The following FBN3 variants were observed in gnomAD, a reference collection of about 807,000 sequenced individuals.
FBN3 encodes fibrillin 3.
A neutral mutation model predicts 330.1 loss-of-function variants in FBN3; 234 were observed. The observed-to-expected ratio is 0.71, with a 90% CI of 0.64 to 0.79. FBN3 has a LOEUF of 0.79. FBN3 is among the 30% of genes least tolerant of loss of function. The pLI, the probability that FBN3 is intolerant of heterozygous loss-of-function variation, is 0.00. For missense variants in FBN3, 3,606 were observed against 3,886.9 expected, an observed-to-expected ratio of 0.93 and a Z score of 1.92; for synonymous variants, 1,458 against 1,517.3, an observed-to-expected ratio of 0.96 and a Z score of 0.91.
chr19:8,111,631 C>CCCCCCCCAAAAAAA lies in FBN3; in HGVS notation c.4084+16_4084+17insTTTTTTTGGGGGGG. On this transcript the variant is annotated intron_variant, in intron 32 of 63. Coordinates refer to ENST00000600128, the MANE Select transcript of FBN3 (RefSeq NM_032447.5). ...TGTCCCTCTAGGGCCCCTGCCCTCC[C>CCCCCCCCAAAAAAA]ACCCCTCTAATCTCACCTTCGCAGA... 1.9e-6 allele frequency: 3 copies of CCCCCCCCAAAAAAA among 1,565,660 alleles called. No homozygotes were observed. Among genetic ancestry groups the CCCCCCCCAAAAAAA allele is most frequent in the Non-Finnish European group, 2.6e-6 (3 of 1,145,542 alleles).
chr19:8,112,428 C>T (rs1223703208), intron 30 of FBN3, among the ~76,000 whole-genome samples: 4 of 152,026 alleles, frequency 2.6e-5, no homozygotes, highest in Non-Finnish European at 5.9e-5. Context: ...GGGTGGATCA[C>T]GAGGTCAGGA....
At chr19:8,123,244 C>G (rs900867797) in intron 24 of FBN3, among the ~76,000 whole-genome samples, 2 of 151,996 alleles carry the variant, frequency 1.3e-5, no homozygotes, top group Non-Finnish European at 2.9e-5. Flanking sequence ...ATCCCAGCTA[C>G]TTAGGAGGCT....
At chr19:8,133,367 G>C (rs902169802) in intron 13 of FBN3, among the ~76,000 whole-genome samples, 30 of 152,216 alleles carry the variant, frequency 2.0e-4, no homozygotes, top group African/African-American at 7.2e-4. Flanking sequence ...CTGAATAAAC[G>C]TGGTGGTTTT....
At chr19:8,141,526 T>A (rs2145039399) in intron 8 of FBN3, among the ~76,000 whole-genome samples, 191 bp downstream of exon 8, 1 of 152,252 alleles carries the variant, frequency 6.6e-6, no homozygotes, top group South Asian at 2.1e-4. Flanking sequence ...CTCCCGACAG[T>A]GTTGGTGCAG....
At position 8,085,583 on chromosome 19, in the gene FBN3, T is replaced by C. The variant is rs1451167077; in HGVS notation, c.6881-14A>G. On this transcript the variant is annotated splice_polypyrimidine_tract_variant and intron_variant, in intron 55 of 63. Transcript: ENST00000600128. The stretch of plus-strand genomic sequence containing the variant: ...CCTGCCGGATGTCTGCAGAGAACAA[T>C]GGGAAAGACAACGGTCACTCCAGGA... The C allele has an allele frequency of 1.3e-6, 2 of 1,528,410 alleles. No homozygotes were observed. Among genetic ancestry groups the C allele is most frequent in the Admixed American group, 4.5e-5 (2 of 44,924 alleles). The allele number at this position is 1,528,410 out of a possible 1,614,324, so 94.7% of individuals were successfully genotyped here. A position where few individuals can be genotyped will look rare whatever the true frequency, so the allele number is the denominator to read the frequency against.
rs1442914378 is a variant in FBN3 at position 8,066,192 on chromosome 19, C to T, written c.8157G>A (p.Arg2719=). 2 of 1,611,042 alleles carry T rather than the reference C, an allele frequency of 1.2e-6. No homozygotes were observed. The highest frequency in any genetic ancestry group is 1.3e-5 in the African/African-American group (1 of 74,968). ...GCCGGAGCTCCAGGATGCGCTCGGC[C>T]CGGCCCAGGTGTGAGAGGTTCAGGC... is the stretch of plus-strand genomic sequence containing the variant. ...TLGLNLSHLG[R]AERILELRPA... The change falls in exon 64 of 64, where the codon CGG becomes CGA. Residue 2719 remains arginine (R), a synonymous_variant. Coordinates refer to ENST00000600128, the MANE Select transcript of FBN3 (RefSeq NM_032447.5).
At chr19:8,083,655 GAC>G (rs200793791) in intron 56 of FBN3, among the ~76,000 whole-genome samples, 4,915 of 151,468 alleles carry the variant, frequency 0.032, 121 homozygotes, top group Non-Finnish European at 0.049. Context: ...GCAGAACAGA[GAC>G]ACACAGTGCA....
chr19:8,106,292 G>C, intron 37 of FBN3, 59 bp from the exon 38 acceptor site: 1 of 1,596,550 alleles, frequency 6.3e-7, no homozygotes, highest in Admixed American at 1.7e-5. Flanking sequence ...GACTTAAGGG[G>C]CACCCACACC....
intron 34 of FBN3, among the ~76,000 whole-genome samples, chr19:8,110,222 A>AT (rs1012244016): frequency 6.6e-6 from 1 of 151,948 alleles, no homozygotes; most frequent in Non-Finnish European, 1.5e-5. Context: ...TGCCCAGCTA[A>AT]TTTTTTATTT....
intron 10 of FBN3, among the ~76,000 whole-genome samples, chr19:8,137,799 T>G (rs2083322136): frequency 6.6e-6 from 1 of 152,076 alleles, no homozygotes; most frequent in East Asian, 1.9e-4. Flanking sequence ...TAGCTAATTT[T>G]CAATTTGCTG....
rs139499127 is a variant in FBN3, at chr19:8,149,136, C to T, written c.-18+313G>A. 0.018 allele frequency among the ~76,000 whole-genome samples: 2,715 copies of T among 151,936 alleles called. 79 individuals are homozygous for T. The highest frequency in any genetic ancestry group is 0.061 in the African/African-American group (2,533 of 41,488). On this transcript the variant is annotated intron_variant, in intron 1 of 63. Coordinates refer to ENST00000600128, the MANE Select transcript of FBN3 (RefSeq NM_032447.5). The surrounding 1 kb of genome is among the most constrained non-coding windows in gnomAD (Gnocchi z 5.5). ...AGCTTCGCCGACGGGGAGGGGGCGC[C>T]CCCGGAGCCCGCGGGGCGCGATCTC...
At chr19:8,084,448 G>T (rs940056768) in intron 56 of FBN3, among the ~76,000 whole-genome samples, 1 of 151,884 alleles carries the variant, frequency 6.6e-6, no homozygotes, top group Non-Finnish European at 1.5e-5. Context: ...GAGGTGGGCG[G>T]ATCACTTGAG....
rs373183692 is a variant in FBN3, at chr19:8,121,352, G to T, written c.3117C>A (p.Cys1039Ter). Residue 1039 changes from cysteine (C) to a stop codon, truncating the protein, a stop_gained, in exon 25 of 64, where the codon TGC becomes TGA. Coordinates refer to ENST00000600128, the MANE Select transcript of FBN3 (RefSeq NM_032447.5). LOFTEE classifies it high-confidence loss of function. This position sits in a 1 kb window ranked among gnomAD's most constrained non-coding sequence, Gnocchi z 4.5. ...GCGTGTTGACACAGGTGCCCTGGCC[G>T]CAGAGGTCAGGAGAGATGCGACACT... Reference protein sequence around the residue: ...IDECRISPDLCGQGTCVNTPG... With the variant: ...IDECRISPDL 1 of 1,612,838 alleles carries T rather than the reference G, an allele frequency of 6.2e-7. No homozygotes were observed.
chr19:8,108,040 A>C, intron 37 of FBN3, 130 bp downstream of exon 37: 1 of 670,734 alleles, frequency 1.5e-6, no homozygotes, highest in Non-Finnish European at 2.6e-6. Context: ...CCTGCTGCTC[A>C]GCCTCCAGGT....
rs1344943203 is a variant in FBN3 at position 8,129,396 on chromosome 19, G to A, written c.2045-31C>T. 14 of 1,611,136 alleles carry A rather than the reference G, an allele frequency of 8.7e-6. No individual in the cohort carries two copies. Among genetic ancestry groups the A allele is most frequent in the Non-Finnish European group, 1.2e-5 (14 of 1,178,576 alleles). On this transcript the variant is annotated intron_variant, in intron 16 of 63. Coordinates refer to ENST00000600128, the MANE Select transcript of FBN3 (RefSeq NM_032447.5). This position sits in a 1 kb window ranked among gnomAD's most constrained non-coding sequence, Gnocchi z 4.5. ...GCAGGAGGAGGGTGTGTCAGCAGCA[G>A]CAGAAGGAGGGTGTGTCCGAGGCAG...
At chr19:8,128,034 C>T (rs946213057) in intron 18 of FBN3, among the ~76,000 whole-genome samples, 4 of 152,146 alleles carry the variant, frequency 2.6e-5, no homozygotes, top group African/African-American at 9.6e-5. Flanking sequence ...AAGGATATTA[C>T]AAATGATGAA....
Position 8,109,256 on chromosome 19 carries a change from G to A in FBN3, c.4589C>T (p.Pro1530Leu), listed in dbSNP as rs748938691. ...CCSLGRAWGN[P>L]CELCPMANTT... The stretch of plus-strand genomic sequence containing the variant: ...GTTGGCCATAGGGCACAGCTCACAG[G>A]GATTGCCCCAAGCCCGGCCCAGGGA... Residue 1530 changes from proline (P) to leucine (L), a missense_variant, in exon 36 of 64, where the codon CCC (proline) becomes CTC (leucine). By Grantham distance (98) the Pro-to-Leu change is moderately conservative. Transcript: ENST00000600128. The surrounding 1 kb of genome is among the most constrained non-coding windows in gnomAD (Gnocchi z 5.2). The A allele has an allele frequency of 4.3e-6, 7 of 1,614,118 alleles. No homozygotes were observed. In the South Asian group the frequency reaches 6.6e-5, roughly 15 times the overall value.
chr19:8,147,071 G>GC (rs763415306), intron 3 of FBN3, 33 bp downstream of exon 3: 117 of 1,531,154 alleles, frequency 7.6e-5, no homozygotes, highest in Non-Finnish European at 7.8e-5. Flanking sequence ...CCCGGCCTGT[G>GC]CCCCCCCACC....
At position 8,117,278 on chromosome 19, in the gene FBN3, G is replaced by C. The variant is rs1157872937; in HGVS notation, c.3477C>G (p.Cys1159Trp). The C allele has an allele frequency of 4.4e-6, 7 of 1,608,664 alleles. No individual in the cohort carries two copies. The African/African-American group carries it at 9.4e-5, about 22-fold the overall frequency. ...DRQGCVDINE[C>W]RVQNGGCDVH... ...CGTCACACCCACCATTCTGGACCCG[G>C]CATTCGTTGATGTCTGCAGGATGCA... The change falls in exon 28 of 64, where the codon TGC (cysteine) becomes TGG (tryptophan). Residue 1159 changes from cysteine to tryptophan, a missense_variant. Physicochemically the swap from Cys to Trp is radical, Grantham distance 215. Coordinates refer to ENST00000600128, the MANE Select transcript of FBN3 (RefSeq NM_032447.5).
Sources: gnomAD v4.1 joint callset for allele counts (sites outside exome capture counted in the v4.1 genomes callset) on GRCh38, gnomAD v4.1.1 for gene constraint, Gnocchi (gnomAD v3.1) non-coding constraint, MANE v1.5 for transcripts, NCBI Gene and HGNC (gene_info 2026-07-23, HGNC 2026-07-21) for gene names.